Variants in SEMA3D observed in about 807,000 individuals in gnomAD.
SEMA3D encodes the protein semaphorin-3D.
SEMA3D carries 84 observed loss-of-function variants against 100.1 expected under a neutral mutation model. The observed-to-expected ratio is 0.84, with a 90% CI of 0.70 to 1.01. The LOEUF is 1.01. Among genes scored for constraint, SEMA3D ranks in the 50% least tolerant of loss-of-function variants. The pLI is 0.00. For missense variants in SEMA3D, 875 were observed against 934.1 expected, an observed-to-expected ratio of 0.94 and a Z score of 0.82; for synonymous variants, 312 against 320.7, an observed-to-expected ratio of 0.97 and a Z score of 0.29.
rs545949117 is a variant in SEMA3D at position 85,182,950 on chromosome 7, G to A, written c.-173+3728C>T. ...AGAAAATTATTTATTAATTGACAAG[G>A]ATGATTCTGAAGGAACATGTGTCAG... On this transcript the variant is annotated intron_variant, in intron 1 of 18. Transcript: ENST00000284136. Among the ~76,000 whole-genome samples the A allele has an allele frequency of 5.9e-5, 9 of 152,248 alleles. 1 individual carries two copies. Among genetic ancestry groups the A allele is most frequent in the African/African-American group, 2.2e-4 (9 of 41,560 alleles).
the SEMA3D span, among the ~76,000 whole-genome samples, chr7:85,233,108 A>G: frequency 6.6e-6 from 1 of 152,144 alleles, no homozygotes; most frequent in African/African-American, 2.4e-5. Flanking sequence ...CTGACCAAGG[A>G]GTAAATATGA....
chr7:85,121,951 A>G lies in SEMA3D; in HGVS notation c.-40-20T>C, dbSNP rs1177607768. 4 of 1,309,556 alleles carry G rather than the reference A, an allele frequency of 3.1e-6. No individual in the cohort carries two copies. Among genetic ancestry groups the G allele is most frequent in the Non-Finnish European group, 3.1e-6 (3 of 957,710 alleles). The allele number at this position is 1,309,556 out of a possible 1,614,324, so 81.1% of individuals were successfully genotyped here. On this transcript the variant is annotated intron_variant, in intron 2 of 18. Transcript: ENST00000284136. ...TTTAATCTAAAAAAGAGTAAAAAAA[A>G]AAAAACTATTAAGGTATCAGCAAAC... is the stretch of plus-strand genomic sequence containing the variant.
At chr7:85,069,807 A>G (rs1791723163) in intron 6 of SEMA3D, among the ~76,000 whole-genome samples, 1 of 152,248 alleles carries the variant, frequency 6.6e-6, no homozygotes, top group Admixed American at 6.5e-5. Context: ...GAGGTCCCAG[A>G]GGAAATGATA....
chr7:85,116,340 A>ATG (rs1789243765), intron 3 of SEMA3D, among the ~76,000 whole-genome samples: 1 of 146,452 alleles, frequency 6.8e-6, no homozygotes, highest in Non-Finnish European at 1.5e-5. Flanking sequence ...GTATATATTT[A>ATG]TGTATATTTA....
intron 2 of SEMA3D, among the ~76,000 whole-genome samples, chr7:85,134,656 C>A (rs1477543399): frequency 6.6e-6 from 1 of 151,858 alleles, no homozygotes; most frequent in Non-Finnish European, 1.5e-5. Context: ...CACGGTATCC[C>A]CAAAGCTTAA....
chr7:85,228,960 T>C, the SEMA3D span, among the ~76,000 whole-genome samples: 62 of 152,198 alleles, frequency 4.1e-4, no homozygotes, highest in East Asian at 0.011. Context: ...TAGCACAGCA[T>C]ACTCTGTAAG....
In SEMA3D at chr7:85,037,022, T is replaced by G. The variant is rs1440225093; in HGVS notation, c.1058A>C (p.Lys353Thr). 1.2e-6 allele frequency: 2 copies of G among 1,611,058 alleles called. No homozygotes were observed. Among genetic ancestry groups the G allele is most frequent in the Non-Finnish European group, 1.7e-6 (2 of 1,179,056 alleles). ...GVFTTTSSIF[K>T]GSAVCVYSMA... ...GCTATACACACAAACAGCAGAGCCT[T>G]TGAAGATGGAGCTGGAAAAAAAAAG... The change falls in exon 12 of 19, where the codon AAA (lysine) becomes ACA (threonine). Residue 353 changes from lysine (K) to threonine (T), a missense_variant. Coordinates refer to ENST00000284136, the MANE Select transcript of SEMA3D (RefSeq NM_001384900.1).
At chr7:85,118,839 T>C (rs1789325247) in intron 3 of SEMA3D, among the ~76,000 whole-genome samples, 1 of 152,178 alleles carries the variant, frequency 6.6e-6, no homozygotes, top group African/African-American at 2.4e-5. Flanking sequence ...CAATTGCTTT[T>C]GGCAACTTCT....
At chr7:85,243,923 C>T in the SEMA3D span, among the ~76,000 whole-genome samples, 27 of 152,290 alleles carry the variant, frequency 1.8e-4, no homozygotes, top group South Asian at 5.6e-3. Flanking sequence ...GTGTTGTTTA[C>T]TGCATTCAAG....
Position 85,040,711 on chromosome 7 carries a change from T to G in SEMA3D, c.1008A>C (p.Glu336Asp). ...AGACTCCATATACTACAGGATTTCT[T>G]TCATCTCTTGTGGGGAGTAAATAAA... ...QDIYLLPTRD[E>D]RNPVVYGVFT... Residue 336 changes from glutamate (E) to aspartate (D), a missense_variant, in exon 11 of 19, where the codon GAA becomes GAC. Coordinates refer to ENST00000284136, the MANE Select transcript of SEMA3D (RefSeq NM_001384900.1). 6.8e-7 allele frequency: 1 copy of G among 1,479,478 alleles called. No homozygotes were observed. Among genetic ancestry groups the G allele is most frequent in the Non-Finnish European group, 9.4e-7 (1 of 1,060,240 alleles). 91.6% of individuals were successfully genotyped at this position (1,479,478 alleles called of 1,614,324 possible).
At chr7:85,180,186 T>C (rs1791361628) in intron 1 of SEMA3D, among the ~76,000 whole-genome samples, 1 of 152,226 alleles carries the variant, frequency 6.6e-6, no homozygotes, top group Non-Finnish European at 1.5e-5. Context: ...GACTAGGTCA[T>C]GGGAGCAGTT....
chr7:85,119,717 T>C (rs1397282048), intron 3 of SEMA3D, among the ~76,000 whole-genome samples: 7 of 152,198 alleles, frequency 4.6e-5, no homozygotes, highest in Non-Finnish European at 1.0e-4. Flanking sequence ...ACGACACAAC[T>C]TGCCTATGTA....
chr7:85,145,292 A>G (rs922832535), intron 2 of SEMA3D, among the ~76,000 whole-genome samples: 1 of 152,118 alleles, frequency 6.6e-6, no homozygotes, highest in Non-Finnish European at 1.5e-5. Context: ...GTAAGGTGAC[A>G]TACATATGAT....
intron 2 of SEMA3D, among the ~76,000 whole-genome samples, chr7:85,138,836 G>A (rs574078277): frequency 9.3e-5 from 14 of 150,668 alleles, no homozygotes; most frequent in Admixed American, 6.7e-4. Context: ...GACAGGCCCC[G>A]ATGTGTGATA....
At chr7:85,023,519 C>T (rs1790311992) in intron 12 of SEMA3D, among the ~76,000 whole-genome samples, 1 of 151,772 alleles carries the variant, frequency 6.6e-6, no homozygotes, top group African/African-American at 2.4e-5. Context: ...GAGAGGAAAA[C>T]TTTAGTCAAT....
intron 4 of SEMA3D, among the ~76,000 whole-genome samples, chr7:85,091,629 A>G (rs1486392266): frequency 6.6e-6 from 1 of 152,024 alleles, no homozygotes; most frequent in Non-Finnish European, 1.5e-5. Flanking sequence ...AGGCTGGCTG[A>G]AGTAGAGAAT....
intron 9 of SEMA3D, among the ~76,000 whole-genome samples, chr7:85,042,732 A>T (rs1790898489): frequency 6.6e-6 from 1 of 152,130 alleles, no homozygotes; most frequent in Non-Finnish European, 1.5e-5. Flanking sequence ...GAGCGCAGTA[A>T]TTATTCACAG....
At chr7:85,148,813 ATG>A (rs143595661) in intron 2 of SEMA3D, among the ~76,000 whole-genome samples, 11 of 151,688 alleles carry the variant, frequency 7.3e-5, no homozygotes, top group South Asian at 2.1e-4. Context: ...GTGTGCATGT[ATG>A]TGTGTGTGTG....
chr7:85,247,610 A>G, the SEMA3D span, among the ~76,000 whole-genome samples: 1 of 152,162 alleles, frequency 6.6e-6, no homozygotes, highest in Non-Finnish European at 1.5e-5. Flanking sequence ...AATAGGAAAA[A>G]CAAAGTAGAA....
Sources: allele counts gnomAD v4.1 joint callset (sites outside exome capture counted in the v4.1 genomes callset), GRCh38; gene constraint gnomAD v4.1.1; transcripts MANE v1.5; gene names NCBI Gene and HGNC (gene_info 2026-07-23, HGNC 2026-07-21).